Variants in GPT2 observed in about 807,000 individuals in gnomAD.
The protein encoded by GPT2 is alanine aminotransferase 2.
In GPT2, 30 loss-of-function variants were observed where a neutral mutation model predicts 56.9. That is an observed-to-expected ratio of 0.53 (90% confidence interval 0.39 to 0.72). GPT2 has a LOEUF of 0.72. Among genes scored for constraint, GPT2 ranks in the 30% least tolerant of loss-of-function variants. The pLI is 0.00. For synonymous variants in GPT2, 271 were observed against 283.1 expected, an observed-to-expected ratio of 0.96 and a Z score of 0.43; for missense variants, 542 against 703.4, an observed-to-expected ratio of 0.77 and a Z score of 2.60.
chr16:46,906,408 A>G (rs1376305140), intron 4 of GPT2, among the ~76,000 whole-genome samples: 2 of 152,150 alleles, frequency 1.3e-5, no homozygotes, highest in Admixed American at 6.5e-5. Flanking sequence ...CTCAAGTCCT[A>G]TGGAACCATG....
At chr16:46,906,232 C>G (rs116250991) in intron 4 of GPT2, among the ~76,000 whole-genome samples, 2 of 152,118 alleles carry the variant, frequency 1.3e-5, no homozygotes, top group Admixed American at 6.5e-5. Context: ...GCCACCACAC[C>G]TGGCTGATTT....
At chr16:46,912,891 G>A (rs904369080) in intron 6 of GPT2, among the ~76,000 whole-genome samples, 3 of 152,178 alleles carry the variant, frequency 2.0e-5, no homozygotes, top group Non-Finnish European at 4.4e-5. Flanking sequence ...GTGAACAGTC[G>A]TGATCTGTCA....
At chr16:46,894,868 T>C (rs1305255379) in intron 2 of GPT2, among the ~76,000 whole-genome samples, 5 of 152,116 alleles carry the variant, frequency 3.3e-5, no homozygotes, top group African/African-American at 7.2e-5. Flanking sequence ...GGTTTCACTG[T>C]GTTAGCCAGG....
chr16:46,918,653 C>T lies in GPT2; in HGVS notation c.933C>T (p.Cys311=). ...AGGACAACGTGTACTCTCCAGATTG[C>T]AGATTCCACTCCTTCAAGAAGGTGC... ...VYQDNVYSPD[C]RFHSFKKVLY... Residue 311 remains cysteine, a synonymous_variant, in exon 8 of 12, where the codon TGC becomes TGT. Transcript: ENST00000340124. 1 of 1,614,194 alleles carries T rather than the reference C, an allele frequency of 6.2e-7. No homozygotes were observed. The highest frequency in any genetic ancestry group is 1.1e-5 in the South Asian group (1 of 91,082).
At chr16:46,914,920 T>C (rs1375132407) in intron 6 of GPT2, among the ~76,000 whole-genome samples, 2 of 152,102 alleles carry the variant, frequency 1.3e-5, no homozygotes, top group Non-Finnish European at 2.9e-5. Context: ...ATTTTCCTGC[T>C]CTTTGTTTTA....
intron 3 of GPT2, among the ~76,000 whole-genome samples, chr16:46,898,976 ATATATATATATATAT>A (rs1352369935): frequency 1.7e-3 from 1 of 582 alleles, no homozygotes; most frequent in African/African-American, 3.3e-3. Context: ...ACACACACAC[ATATATATATATATAT>A]AACACACATA....
At chr16:46,890,261 T>C (rs1391206259) in intron 2 of GPT2, among the ~76,000 whole-genome samples, 1 of 152,212 alleles carries the variant, frequency 6.6e-6, no homozygotes, top group Admixed American at 6.5e-5. Context: ...GTGTTTGTCT[T>C]TGGGGCCTCT....
At chr16:46,923,414 C>A (rs535437087) in intron 9 of GPT2, among the ~76,000 whole-genome samples, 1 of 152,176 alleles carries the variant, frequency 6.6e-6, no homozygotes, top group African/African-American at 2.4e-5. Context: ...GCTGAGATTG[C>A]GCCATGGCAC....
chr16:46,893,119 TTTTG>T (rs1960615402), intron 2 of GPT2, among the ~76,000 whole-genome samples: 1 of 3,988 alleles, frequency 2.5e-4, no homozygotes, highest in African/African-American at 2.7e-4. Context: ...TTCCTGAATT[TTTTG>T]TTTGTTTGTT....
At chr16:46,926,868 G>T in intron 10 of GPT2, 57 bp from the exon 11 acceptor site, 1 of 1,190,764 alleles carries the variant, frequency 8.4e-7, no homozygotes, top group Non-Finnish European at 1.2e-6. Flanking sequence ...GGCTTTGAGG[G>T]TTGAATGGTG....
chr16:46,925,790 C>T (rs1961394508), intron 10 of GPT2, among the ~76,000 whole-genome samples: 1 of 151,988 alleles, frequency 6.6e-6, no homozygotes, highest in African/African-American at 2.4e-5. Context: ...TGCTACTGCA[C>T]TCCAGCCTGG....
chr16:46,893,501 C>T (rs1370626770), intron 2 of GPT2, among the ~76,000 whole-genome samples: 3 of 152,204 alleles, frequency 2.0e-5, no homozygotes, highest in Non-Finnish European at 4.4e-5. Context: ...CGGAGGCTGA[C>T]GGTGTTCCCT....
chr16:46,900,001 T>C (rs376590861), intron 3 of GPT2, among the ~76,000 whole-genome samples: 3 of 152,178 alleles, frequency 2.0e-5, no homozygotes, highest in African/African-American at 7.2e-5. Context: ...CTGGGCTCCA[T>C]GAAGCCAGGC....
chr16:46,924,746 T>G (rs1323447238), intron 10 of GPT2, among the ~76,000 whole-genome samples: 4 of 152,044 alleles, frequency 2.6e-5, no homozygotes, highest in Non-Finnish European at 5.9e-5. Context: ...TGGGCAAACA[T>G]GAGGTGGGCC....
In GPT2 at chr16:46,906,687, G is replaced by A. The variant is rs147585533; in HGVS notation, c.443-155G>A. Among the ~76,000 whole-genome samples, 86 of 152,248 alleles carry A rather than the reference G, an allele frequency of 5.6e-4. 1 individual carries two copies. The highest frequency in any genetic ancestry group is 2.0e-3 in the African/African-American group (83 of 41,556). ...GGATGAAGCCAAGACAGGTGGTTAA[G>A]CAGTTTCCCACAGTTCCAAAGCAAT... On this transcript the variant is annotated intron_variant, in intron 4 of 11. Transcript: ENST00000340124.
rs138865675 is a variant in GPT2, at chr16:46,908,462, A to G, written c.577-1222A>G. 3.9e-4 allele frequency among the ~76,000 whole-genome samples: 60 copies of G among 152,120 alleles called. 1 individual carries two copies. The Middle Eastern group carries it at 0.01, about 26-fold the overall frequency. ...CCTGGAATGGTGCTGGGTGCTGTCAACTCATCTGTTCTCAGGGAGCCATGT... is the reference window on the plus strand; with the variant it reads ...CCTGGAATGGTGCTGGGTGCTGTCAGCTCATCTGTTCTCAGGGAGCCATGT... On this transcript the variant is annotated intron_variant, in intron 5 of 11. Coordinates refer to ENST00000340124, the MANE Select transcript of GPT2 (RefSeq NM_133443.4).
rs1404946408 is a variant in GPT2 at position 46,885,134 on chromosome 16, C to T, written c.243+176C>T. ...CGCCCGTTCACTTACTGGTGCCCAG[C>T]ACCGGGCACTCAGTGAGGCCTTGCA... On this transcript the variant is annotated intron_variant, in intron 2 of 11. Coordinates refer to ENST00000340124, the MANE Select transcript of GPT2 (RefSeq NM_133443.4). 40 of 1,343,910 alleles carry T rather than the reference C, an allele frequency of 3.0e-5. No individual in the cohort carries two copies. In the South Asian group the frequency reaches 6.5e-4, roughly 22 times the overall value. The allele number at this position is 1,343,910 out of a possible 1,614,324, so 83.2% of individuals were successfully genotyped here.
In GPT2 at chr16:46,930,521, A is replaced by G. The variant is rs1033205482; in HGVS notation, c.*1524A>G. 6.6e-6 allele frequency: 1 copy of G among 152,248 alleles called. No individual in the cohort carries two copies. The highest frequency in any genetic ancestry group is 1.5e-5 in the Non-Finnish European group (1 of 68,042). 9.4% of individuals were successfully genotyped at this position (152,248 alleles called of 1,614,324 possible). A position where few individuals can be genotyped will look rare whatever the true frequency, so the allele number is the denominator to read the frequency against. Reference sequence around the variant, plus strand: ...CTTACCCACCGACATCACAGCCCCTATGAAGAAAGTAGCCACAATCTCAAA... The same window carrying G: ...CTTACCCACCGACATCACAGCCCCTGTGAAGAAAGTAGCCACAATCTCAAA... On this transcript the variant is annotated 3_prime_UTR_variant, in exon 12 of 12. Coordinates refer to ENST00000340124, the MANE Select transcript of GPT2 (RefSeq NM_133443.4).
Position 46,909,938 on chromosome 16 carries a change from T to C in GPT2, c.820+11T>C, listed in dbSNP as rs746184922. ...CTGGGAACCCCACAGGTCTGCACTT[T>C]ACTTCCTCACCAGTTTCGTAGAGGG... On this transcript the variant is annotated intron_variant, in intron 6 of 11. Transcript: ENST00000340124. 1.7e-5 allele frequency: 27 copies of C among 1,583,306 alleles called. No homozygotes were observed. Among genetic ancestry groups the C allele is most frequent in the African/African-American group, 5.4e-5 (4 of 74,250 alleles).
Sources: gnomAD v4.1 joint callset for allele counts (sites outside exome capture counted in the v4.1 genomes callset) on GRCh38, gnomAD v4.1.1 for gene constraint, MANE v1.5 for transcripts, NCBI Gene and HGNC (gene_info 2026-07-23, HGNC 2026-07-21) for gene names.